The following ABLIM1 variants were observed in gnomAD, a reference collection of about 807,000 sequenced individuals.
ABLIM1 encodes the protein actin-binding LIM protein 1.
ABLIM1 carries 40 observed loss-of-function variants against 107.0 expected under a neutral mutation model. The ratio of observed to expected loss-of-function variants is 0.37; its 90% CI spans 0.29 to 0.49. The LOEUF is 0.49. ABLIM1 is among the 20% of genes least tolerant of loss of function. The pLI is 0.97. For missense variants in ABLIM1, 857 were observed against 1,008.5 expected (o/e 0.85, Z 2.04); for synonymous variants, 357 against 357.3 (o/e 1.00, Z 0.01).
intron 12 of ABLIM1, among the ~76,000 whole-genome samples, chr10:114,457,819 C>T (rs936194434): frequency 6.6e-6 from 1 of 152,296 alleles, no homozygotes; most frequent in Admixed American, 6.5e-5. Flanking sequence ...TGCCTGAAAT[C>T]CCAGCACTTT....
intron 1 of ABLIM1, among the ~76,000 whole-genome samples, chr10:114,695,694 G>T (rs563619722): frequency 5.8e-4 from 89 of 152,284 alleles, no homozygotes; most frequent in Middle Eastern, 3.4e-3. Context: ...GAATTCTGCT[G>T]CTAGAAATGG....
intron 1 of ABLIM1, among the ~76,000 whole-genome samples, chr10:114,614,005 G>C (rs1036946118): frequency 1.3e-5 from 2 of 152,058 alleles, no homozygotes; most frequent in Non-Finnish European, 2.9e-5. Flanking sequence ...GAGAAGAAAA[G>C]ATTATCTCCC....
chr10:114,736,267 GC>G (rs2082177819), intron 1 of ABLIM1, among the ~76,000 whole-genome samples: 1 of 152,150 alleles, frequency 6.6e-6, no homozygotes, highest in Non-Finnish European at 1.5e-5. Flanking sequence ...CACAGATACT[GC>G]TTGCATTAAG....
Position 114,638,622 on chromosome 10 carries a change from TACACACACACACACACAC to T in ABLIM1, c.244+19317_244+19334del, listed in dbSNP as rs59605861. ...AGAGCCTCTCGTCCCATGCCCTGCC[TACACACACACACACACAC>T]ACACACACACACACACACACACACA... On this transcript the variant is annotated intron_variant, in intron 1 of 22. Transcript: ENST00000533213. Among the ~76,000 whole-genome samples, 323 of 143,840 alleles carry T rather than the reference TACACACACACACACACAC, an allele frequency of 2.2e-3. 2 individuals carry two copies. Among genetic ancestry groups the T allele is most frequent in the African/African-American group, 7.4e-3 (290 of 39,076 alleles). 94.4% of individuals were successfully genotyped at this position (143,840 alleles called of 152,430 possible).
the ABLIM1 span, among the ~76,000 whole-genome samples, chr10:114,783,005 G>C: frequency 6.6e-6 from 1 of 152,044 alleles, no homozygotes; most frequent in African/African-American, 2.4e-5. Flanking sequence ...GGTTTGGCCA[G>C]GCACGGTGGC....
intron 1 of ABLIM1, among the ~76,000 whole-genome samples, chr10:114,702,524 A>ATT (rs2081326704): frequency 2.1e-5 from 3 of 140,780 alleles, no homozygotes; most frequent in Non-Finnish European, 3.1e-5. Context: ...AAGTAAGAAC[A>ATT]CTTTTTTTTT....
intron 1 of ABLIM1, among the ~76,000 whole-genome samples, chr10:114,692,082 CATATTCTACTAAGA>C (rs902881841): frequency 5.3e-5 from 8 of 152,168 alleles, no homozygotes; most frequent in Admixed American, 1.3e-4. Flanking sequence ...GAAAATATGC[CATATTCTACTAAGA>C]ATAAGAATGC....
At chr10:114,494,991 A>C (rs2059480842) in intron 6 of ABLIM1, among the ~76,000 whole-genome samples, 1 of 152,166 alleles carries the variant, frequency 6.6e-6, no homozygotes, top group South Asian at 2.1e-4. Context: ...CAATCCTGTA[A>C]GGCAGACACT....
At chr10:114,508,341 A>G (rs1201042750) in intron 6 of ABLIM1, among the ~76,000 whole-genome samples, 1 of 152,132 alleles carries the variant, frequency 6.6e-6, no homozygotes, top group Admixed American at 6.6e-5. Context: ...GCAGGAGGAG[A>G]TGGTTACATT....
chr10:114,705,862 C>T (rs1272410678), intron 1 of ABLIM1, among the ~76,000 whole-genome samples: 1 of 152,104 alleles, frequency 6.6e-6, no homozygotes, highest in Non-Finnish European at 1.5e-5. Context: ...GACTACAGTG[C>T]AAGGACAGAG....
intron 1 of ABLIM1, among the ~76,000 whole-genome samples, chr10:114,722,593 C>T (rs1377999740): frequency 6.6e-6 from 1 of 152,230 alleles, no homozygotes; most frequent in African/African-American, 2.4e-5. Flanking sequence ...TACATGTACA[C>T]ACACAAACAC....
chr10:114,789,793 T>TG, the ABLIM1 span, among the ~76,000 whole-genome samples: 1 of 142,966 alleles, frequency 7.0e-6, no homozygotes, highest in African/African-American at 2.8e-5. Flanking sequence ...GTATATTTGT[T>TG]TTTTTTTTTT....
intron 7 of ABLIM1, 49 bp from the exon 8 acceptor site, chr10:114,488,065 A>G (rs1304625000): frequency 6.3e-7 from 1 of 1,596,068 alleles, no homozygotes; most frequent in East Asian, 2.2e-5. Context: ...GGAAAGATAC[A>G]AAGTCCTCTG....
intron 1 of ABLIM1, among the ~76,000 whole-genome samples, chr10:114,732,096 TGTC>T (rs1458084027): frequency 2.7e-5 from 3 of 109,664 alleles, no homozygotes; most frequent in Non-Finnish European, 6.8e-5. Flanking sequence ...TTGTATTCTC[TGTC>T]TTTTTTTTAT....
chr10:114,622,864 GA>G (rs1326280082), intron 1 of ABLIM1, among the ~76,000 whole-genome samples: 1 of 152,218 alleles, frequency 6.6e-6, no homozygotes, highest in Non-Finnish European at 1.5e-5. Flanking sequence ...GGTAGTAAAT[GA>G]AACACTCCAA....
chr10:114,642,538 G>A (rs2078797898), intron 1 of ABLIM1, among the ~76,000 whole-genome samples: 1 of 152,090 alleles, frequency 6.6e-6, no homozygotes, highest in Non-Finnish European at 1.5e-5. Context: ...CTCAAACAAT[G>A]AGAGAAAACA....
chr10:114,798,898 C>A, the ABLIM1 span, among the ~76,000 whole-genome samples: 1 of 151,936 alleles, frequency 6.6e-6, no homozygotes, highest in Non-Finnish European at 1.5e-5. Flanking sequence ...TGGATTCAAG[C>A]GATTCTCCTG....
intron 1 of ABLIM1, among the ~76,000 whole-genome samples, chr10:114,666,555 C>T (rs1008455890): frequency 6.6e-5 from 10 of 152,158 alleles, no homozygotes; most frequent in African/African-American, 2.4e-4. Context: ...AATCTGTAGG[C>T]TCTGGAAGTA....
rs2059342871 is a variant in ABLIM1 at position 114,436,117 on chromosome 10, T to C, written c.*143A>G. ...GGCTGGCCCGACATTTGACTCATGG[T>C]GTTTTAACCAGACTTTCTCTTTTTG... On this transcript the variant is annotated 3_prime_UTR_variant, in exon 23 of 23. Transcript: ENST00000533213. 1.6e-6 allele frequency: 1 copy of C among 624,290 alleles called. No homozygotes were observed. The highest frequency in any genetic ancestry group is 2.8e-6 in the Non-Finnish European group (1 of 352,812). 38.7% of individuals were successfully genotyped at this position (624,290 alleles called of 1,614,324 possible).
Sources: allele counts gnomAD v4.1 joint callset (sites outside exome capture counted in the v4.1 genomes callset), GRCh38; gene constraint gnomAD v4.1.1; transcripts MANE v1.5; gene names NCBI Gene and HGNC (gene_info 2026-07-23, HGNC 2026-07-21).